RSRC1: variants seen among roughly 807,000 people sequenced by gnomAD.
The protein encoded by RSRC1 is arginine and serine rich coiled-coil 1.
RSRC1 carries 39 observed loss-of-function variants against 49.1 expected under a neutral mutation model. That is an observed-to-expected ratio of 0.79 (90% CI 0.61 to 1.04). The LOEUF (loss-of-function observed/expected upper bound fraction) is 1.04, where lower values mean the gene tolerates loss of function less well. Among genes scored for constraint, RSRC1 ranks in the 50% least tolerant of loss-of-function variants. RSRC1 has a pLI of 0.00. For missense variants in RSRC1, 388 were observed against 402.4 expected, an observed-to-expected ratio of 0.96 and a Z score of 0.31; for synonymous variants, 143 against 130.8, an observed-to-expected ratio of 1.09 and a Z score of -0.63.
At chr3:158,449,666 G>A (rs1378538143) in intron 6 of RSRC1, among the ~76,000 whole-genome samples, 1 of 151,898 alleles carries the variant, frequency 6.6e-6, no homozygotes, top group East Asian at 1.9e-4. Flanking sequence ...GGGTACATGT[G>A]CACAACGTGC....
intron 4 of RSRC1, among the ~76,000 whole-genome samples, chr3:158,223,769 T>C (rs1722357790): frequency 6.6e-6 from 1 of 151,698 alleles, no homozygotes; most frequent in Non-Finnish European, 1.5e-5. Context: ...CACTCCAGTT[T>C]ATCTCACGCC....
intron 3 of RSRC1, among the ~76,000 whole-genome samples, chr3:158,202,626 G>A (rs1301744625): frequency 7.4e-6 from 1 of 134,722 alleles, no homozygotes; most frequent in Non-Finnish European, 1.5e-5. Flanking sequence ...TTACTTCTTA[G>A]TATTTTACTG....
intron 3 of RSRC1, among the ~76,000 whole-genome samples, chr3:158,163,186 A>G (rs2108227874): frequency 6.6e-6 from 1 of 152,212 alleles, no homozygotes; most frequent in East Asian, 1.9e-4. Context: ...TATTTTTAGT[A>G]GAGATGGGGT....
chr3:158,274,037 G>A (rs1730042), intron 4 of RSRC1, among the ~76,000 whole-genome samples: 72,412 of 151,978 alleles, frequency 0.48, 17,809 homozygotes, highest in East Asian at 0.64. Flanking sequence ...AACATTCAGA[G>A]TGCTTCCTCA....
At chr3:158,388,374 T>G (rs953671446) in intron 6 of RSRC1, among the ~76,000 whole-genome samples, 2 of 152,036 alleles carry the variant, frequency 1.3e-5, no homozygotes, top group Non-Finnish European at 2.9e-5. Context: ...CTGTAACCAT[T>G]TTCAAGATAT....
intron 3 of RSRC1, among the ~76,000 whole-genome samples, chr3:158,137,900 C>T (rs534472298): frequency 1.6e-3 from 237 of 152,130 alleles, no homozygotes; most frequent in African/African-American, 5.6e-3. Context: ...GATCTGACCT[C>T]GTGATCTGCC....
At chr3:158,287,499 T>C (rs1471575591) in intron 4 of RSRC1, among the ~76,000 whole-genome samples, 3 of 152,162 alleles carry the variant, frequency 2.0e-5, no homozygotes, top group Admixed American at 6.5e-5. Context: ...TTAAATCTAA[T>C]GATTATTCTT....
chr3:158,473,531 G>C (rs933991933), intron 7 of RSRC1, among the ~76,000 whole-genome samples: 1 of 152,018 alleles, frequency 6.6e-6, no homozygotes, highest in African/African-American at 2.4e-5. Flanking sequence ...GGGCAGGGGG[G>C]AGGGATAGCA....
chr3:158,312,455 G>A (rs554440794), intron 5 of RSRC1, among the ~76,000 whole-genome samples: 2 of 152,118 alleles, frequency 1.3e-5, no homozygotes, highest in African/African-American at 4.8e-5. Context: ...CTGTCCTTAT[G>A]AAGTGTAATT....
Position 158,329,241 on chromosome 3 carries a change from A to G in RSRC1, c.532-25616A>G, listed in dbSNP as rs1729388529. ...TGAAACTTTCTTCTCTCAACTCGTCAAAGTCATTCTGCATCCAGCTTTGTT... is the reference window on the plus strand; with the variant it reads ...TGAAACTTTCTTCTCTCAACTCGTCGAAGTCATTCTGCATCCAGCTTTGTT... On this transcript the variant is annotated intron_variant, in intron 5 of 9. Transcript: ENST00000611884. 2.6e-5 allele frequency among the ~76,000 whole-genome samples: 4 copies of G among 152,214 alleles called. No individual in the cohort carries two copies. The South Asian group carries it at 8.3e-4, about 31-fold the overall frequency.
At chr3:158,164,332 T>G (rs1379926797) in intron 3 of RSRC1, among the ~76,000 whole-genome samples, 2 of 152,074 alleles carry the variant, frequency 1.3e-5, no homozygotes, top group Admixed American at 6.6e-5. Flanking sequence ...TCTTTTTTTT[T>G]TAAAACAAGA....
intron 5 of RSRC1, among the ~76,000 whole-genome samples, chr3:158,351,917 A>C (rs6773939): frequency 6.8e-6 from 1 of 146,346 alleles, no homozygotes; most frequent in East Asian, 2.0e-4. Context: ...TATAAATATT[A>C]TATATATATA....
chr3:158,202,876 C>CAT (rs755595517), intron 3 of RSRC1, among the ~76,000 whole-genome samples, 196 bp from the exon 4 acceptor site: 13 of 151,862 alleles, frequency 8.6e-5, no homozygotes, highest in Non-Finnish European at 1.8e-4. Flanking sequence ...ATAAAGTTAG[C>CAT]ATATATATTT....
chr3:158,282,490 G>A (rs778756646), intron 4 of RSRC1, among the ~76,000 whole-genome samples: 25 of 152,156 alleles, frequency 1.6e-4, no homozygotes, highest in Non-Finnish European at 2.6e-4. Context: ...CCTCATCAAA[G>A]GTCTGTGTAG....
At chr3:158,215,757 A>G (rs1281196584) in intron 4 of RSRC1, among the ~76,000 whole-genome samples, 1 of 151,850 alleles carries the variant, frequency 6.6e-6, no homozygotes, top group Non-Finnish European at 1.5e-5. Context: ...GAATGTGGAA[A>G]TGTAACTAGC....
At chr3:158,234,325 A>C (rs1723123659) in intron 4 of RSRC1, among the ~76,000 whole-genome samples, 1 of 152,166 alleles carries the variant, frequency 6.6e-6, no homozygotes, top group Admixed American at 6.6e-5. Context: ...TTAAACTGAT[A>C]ATCAGAAACT....
At chr3:158,437,512 T>C (rs967707401) in intron 6 of RSRC1, among the ~76,000 whole-genome samples, 7 of 152,098 alleles carry the variant, frequency 4.6e-5, no homozygotes, top group Non-Finnish European at 8.8e-5. Flanking sequence ...GTTCAACATA[T>C]GCAAATCAAT....
chr3:158,137,877 T>C (rs146878692), intron 3 of RSRC1, among the ~76,000 whole-genome samples: 68 of 152,140 alleles, frequency 4.5e-4, no homozygotes, highest in African/African-American at 1.6e-3. Flanking sequence ...TGGTCTCGAA[T>C]TCCTGACCTC....
At chr3:158,388,610 T>TTTTC (rs1733090202) in intron 6 of RSRC1, among the ~76,000 whole-genome samples, 1 of 88,678 alleles carries the variant, frequency 1.1e-5, no homozygotes, top group African/African-American at 4.6e-5. Flanking sequence ...GCCGTGTTTT[T>TTTTC]TGTTTTTTTT....
Sources: allele counts gnomAD v4.1 joint callset (sites outside exome capture counted in the v4.1 genomes callset), GRCh38; gene constraint gnomAD v4.1.1; transcripts MANE v1.5; gene names NCBI Gene and HGNC (gene_info 2026-07-23, HGNC 2026-07-21).